The following MYO16 variants were observed in gnomAD, a reference collection of about 807,000 sequenced individuals.
MYO16 encodes the protein unconventional myosin-XVI.
Under a neutral mutation model 205.3 loss-of-function variants are expected in MYO16, and 94 were observed. The ratio of observed to expected loss-of-function variants is 0.46; its 90% confidence interval spans 0.39 to 0.54. The LOEUF is 0.54. Among genes scored for constraint, MYO16 ranks in the 20% least tolerant of loss-of-function variants. The pLI, the probability that MYO16 is intolerant of heterozygous loss-of-function variation, is 0.00. For synonymous variants in MYO16, 988 were observed against 954.0 expected, an observed-to-expected ratio of 1.04 and a Z score of -0.66; for missense variants, 2,315 against 2,387.5, an observed-to-expected ratio of 0.97 and a Z score of 0.63.
chr13:108,831,711 C>T (rs1404003131), intron 9 of MYO16, among the ~76,000 whole-genome samples: 1 of 152,184 alleles, frequency 6.6e-6, no homozygotes, highest in Non-Finnish European at 1.5e-5. Flanking sequence ...CAGGGTTTTA[C>T]CACCTTGGCC....
intron 14 of MYO16, among the ~76,000 whole-genome samples, chr13:108,890,671 A>G (rs1223265511): frequency 6.6e-6 from 1 of 152,126 alleles, no homozygotes; most frequent in African/African-American, 2.4e-5. Context: ...TTCAACTTCA[A>G]CTAGTAAATG....
At chr13:108,805,731 G>A (rs191258126) in intron 6 of MYO16, among the ~76,000 whole-genome samples, 147 of 151,706 alleles carry the variant, frequency 9.7e-4, no homozygotes, top group African/African-American at 3.0e-3. Context: ...TCCAAACCCC[G>A]ATCTCATCAT....
At chr13:108,508,151 C>T in the MYO16 span, among the ~76,000 whole-genome samples, 2 of 150,356 alleles carry the variant, frequency 1.3e-5, no homozygotes, top group African/African-American at 4.9e-5. Flanking sequence ...ATCTCGACTT[C>T]TTTCAGGTTG....
chr13:108,829,518 C>A (rs985325156), intron 9 of MYO16, among the ~76,000 whole-genome samples: 4 of 152,108 alleles, frequency 2.6e-5, no homozygotes, highest in African/African-American at 9.7e-5. Context: ...TCATAAAAAA[C>A]CAGCTTTGGT....
At chr13:108,638,800 G>C (rs974312383) in intron 1 of MYO16, among the ~76,000 whole-genome samples, 7 of 152,084 alleles carry the variant, frequency 4.6e-5, no homozygotes, top group African/African-American at 1.7e-4. Flanking sequence ...CCATCTGTAA[G>C]TCAGTATTAT....
chr13:108,871,009 G>C (rs903250598), intron 12 of MYO16, among the ~76,000 whole-genome samples: 1 of 152,052 alleles, frequency 6.6e-6, no homozygotes, highest in Non-Finnish European at 1.5e-5. Context: ...TAGAAAGTCT[G>C]TAGAAATATA....
the MYO16 span, among the ~76,000 whole-genome samples, chr13:108,553,084 T>A: frequency 4.4e-5 from 6 of 136,266 alleles, no homozygotes; most frequent in Non-Finnish European, 9.2e-5. Flanking sequence ...AGTGGCCCAA[T>A]GTCAACTCAT....
At chr13:109,047,034 A>C (rs201335376) in intron 24 of MYO16, 43 bp downstream of exon 24, 1 of 1,347,214 alleles carries the variant, frequency 7.4e-7, no homozygotes, top group East Asian at 2.3e-5. Context: ...TTAAAATGCC[A>C]TGCATCCGTT....
intron 32 of MYO16, among the ~76,000 whole-genome samples, chr13:109,147,556 G>A (rs1877403504): frequency 1.3e-5 from 2 of 152,170 alleles, no homozygotes; most frequent in South Asian, 4.1e-4. Context: ...GGGATGCAGA[G>A]CTTAGCATCC....
chr13:108,719,682 C>T (rs145540897), intron 3 of MYO16, among the ~76,000 whole-genome samples: 32 of 152,306 alleles, frequency 2.1e-4, no homozygotes, highest in Middle Eastern at 3.4e-3. Flanking sequence ...TTCACTGCCT[C>T]TTGATCCTTC....
rs373028840 is a variant in MYO16, at chr13:109,138,274, A to T, written c.4052-1990A>T. Among the ~76,000 whole-genome samples the T allele has an allele frequency of 1.1e-4, 17 of 152,354 alleles. No homozygotes were observed. The East Asian group carries it at 2.3e-3, about 21-fold the overall frequency. On this transcript the variant is annotated intron_variant, in intron 31 of 34. Coordinates refer to ENST00000457511, the MANE Select transcript of MYO16 (RefSeq NM_001198950.3). The stretch of plus-strand genomic sequence containing the variant: ...TAACTCAAGAACTCAACAAAGGCAG[A>T]TGTGCCCCTATCAAGAATTCCTGCA...
chr13:109,205,824 C>T (rs540965043), intron 34 of MYO16, among the ~76,000 whole-genome samples: 17 of 152,266 alleles, frequency 1.1e-4, no homozygotes, highest in African/African-American at 3.9e-4. Context: ...TGATGCTTTC[C>T]TGCAAAGGCC....
intron 7 of MYO16, among the ~76,000 whole-genome samples, chr13:108,808,781 A>C (rs866192284): frequency 6.6e-6 from 1 of 152,222 alleles, no homozygotes; most frequent in Non-Finnish European, 1.5e-5. Flanking sequence ...TTATATAGTT[A>C]GATTTAACAA....
intron 1 of MYO16, among the ~76,000 whole-genome samples, chr13:108,612,394 C>T (rs940299305): frequency 2.6e-5 from 4 of 152,148 alleles, no homozygotes; most frequent in African/African-American, 4.8e-5. Context: ...TAAGATTCTA[C>T]AGGAGACAGG....
chr13:109,010,957 T>TTATATA lies in MYO16; in HGVS notation c.2595+1922_2595+1927dup, dbSNP rs67321937. On this transcript the variant is annotated intron_variant, in intron 22 of 34. Coordinates refer to ENST00000457511, the MANE Select transcript of MYO16 (RefSeq NM_001198950.3). ...TCTATTATATATATTACATATAATA[T>TTATATA]TATATATATATATATATATTTCTTC... Among the ~76,000 whole-genome samples, 218 of 118,568 alleles carry TTATATA rather than the reference T, an allele frequency of 1.8e-3. 19 individuals carry two copies. Among genetic ancestry groups the TTATATA allele is most frequent in the East Asian group, 0.016 (63 of 3,978 alleles). 77.8% of individuals were successfully genotyped at this position (118,568 alleles called of 152,430 possible). A position where few individuals can be genotyped will look rare whatever the true frequency, so the allele number is the denominator to read the frequency against.
chr13:108,500,456 C>T, the MYO16 span, among the ~76,000 whole-genome samples: 1 of 151,690 alleles, frequency 6.6e-6, no homozygotes, highest in Admixed American at 6.6e-5. Context: ...TCTTGAACTC[C>T]TGACATCGTG....
chr13:108,710,525 C>T (rs1183278493), intron 2 of MYO16, among the ~76,000 whole-genome samples: 7 of 152,116 alleles, frequency 4.6e-5, no homozygotes, highest in Non-Finnish European at 1.0e-4. Flanking sequence ...GTAGTCATTC[C>T]AGTCATTTAT....
At position 108,971,568 on chromosome 13, in the gene MYO16, T is replaced by G. The variant is rs144244005; in HGVS notation, c.2369+6666T>G. Among the ~76,000 whole-genome samples the G allele has an allele frequency of 7.9e-3, 1,196 of 151,114 alleles. 6 individuals carry two copies. The highest frequency in any genetic ancestry group is 0.013 in the Non-Finnish European group (906 of 67,824). On this transcript the variant is annotated intron_variant, in intron 20 of 34. Coordinates refer to ENST00000457511, the MANE Select transcript of MYO16 (RefSeq NM_001198950.3). ...CAGCATAACTGGACTAATATATTAT[T>G]AATAATGTTAAATATTATGTATATT...
rs73610569 is a variant in MYO16 at position 108,780,459 on chromosome 13, A to G, written c.508-5176A>G. Among the ~76,000 whole-genome samples the G allele has an allele frequency of 6.5e-3, 980 of 151,618 alleles. 8 individuals carry two copies. The highest frequency in any genetic ancestry group is 0.022 in the African/African-American group (919 of 41,502). The stretch of plus-strand genomic sequence containing the variant: ...GGAAAAAGAAAAGGGAAGAAGAAAA[A>G]GAAAGAGAGGAAGGAAGGAAGGGAG... On this transcript the variant is annotated intron_variant, in intron 4 of 34. Transcript: ENST00000457511.
Sources: allele counts gnomAD v4.1 joint callset (sites outside exome capture counted in the v4.1 genomes callset), GRCh38; gene constraint gnomAD v4.1.1; transcripts MANE v1.5; gene names NCBI Gene and HGNC (gene_info 2026-07-23, HGNC 2026-07-21).